The following ARHGAP26 variants were observed in gnomAD, a reference collection of about 807,000 sequenced individuals.
The protein encoded by ARHGAP26 is Rho GTPase activating protein 26.
Under a neutral mutation model 104.8 loss-of-function variants are expected in ARHGAP26, and 38 were observed. The ratio of observed to expected loss-of-function variants is 0.36; its 90% CI spans 0.28 to 0.48. The LOEUF (loss-of-function observed/expected upper bound fraction) is 0.48, where lower values mean the gene tolerates loss of function less well. Ranked by LOEUF, ARHGAP26 falls within the 20% of genes least tolerant of loss-of-function variation. The probability of loss-of-function intolerance (pLI) is 0.99; values close to 1 mark genes in which losing one functional copy is unlikely to be tolerated. For synonymous variants in ARHGAP26, 341 were observed against 340.0 expected (o/e 1.00, Z -0.03); for missense variants, 704 against 947.9 (o/e 0.74, Z 3.38).
chr5:142,938,912 A>G (rs1765843277), intron 11 of ARHGAP26, among the ~76,000 whole-genome samples: 2 of 152,202 alleles, frequency 1.3e-5, no homozygotes, highest in Admixed American at 6.5e-5. Context: ...GACAGCCACA[A>G]GTTTTGAAGG....
intron 6 of ARHGAP26, among the ~76,000 whole-genome samples, chr5:142,895,853 G>A (rs1335416588): frequency 6.6e-6 from 1 of 152,160 alleles, no homozygotes; most frequent in Non-Finnish European, 1.5e-5. Context: ...ATTACAATCG[G>A]CTTTGGAACC....
chr5:143,199,814 A>G (rs1360029392), intron 20 of ARHGAP26, among the ~76,000 whole-genome samples: 1 of 152,156 alleles, frequency 6.6e-6, no homozygotes, highest in African/African-American at 2.4e-5. Context: ...CTCTTAGTGC[A>G]AGACTCTCAG....
Position 142,790,579 on chromosome 5 carries a change from TC to T in ARHGAP26, c.154+19665del, listed in dbSNP as rs111676637. 4.5e-3 allele frequency among the ~76,000 whole-genome samples: 681 copies of T among 152,316 alleles called. 5 individuals carry two copies. Among genetic ancestry groups the T allele is most frequent in the African/African-American group, 0.016 (652 of 41,558 alleles). On this transcript the variant is annotated intron_variant, in intron 1 of 22. Transcript: ENST00000645722. ...CTTCCCATGCCATTCGTCATACAGT[TC>T]GGACACCTTACCATGGTTCATGCGG... is the stretch of plus-strand genomic sequence containing the variant.
intron 17 of ARHGAP26, among the ~76,000 whole-genome samples, chr5:143,092,598 A>T (rs1220926679): frequency 6.6e-6 from 1 of 152,048 alleles, no homozygotes; most frequent in Non-Finnish European, 1.5e-5. Flanking sequence ...TCCAAAGTGA[A>T]CTTCCTTCAC....
At chr5:143,014,446 A>G (rs895452644) in intron 12 of ARHGAP26, 3 of 303,684 alleles carry the variant, frequency 9.9e-6, no homozygotes, top group East Asian at 1.3e-4. Flanking sequence ...ACTTAATACA[A>G]CAATACTCAA....
At chr5:142,899,697 A>C (rs375203434) in intron 6 of ARHGAP26, among the ~76,000 whole-genome samples, 1 of 151,862 alleles carries the variant, frequency 6.6e-6, no homozygotes, top group Non-Finnish European at 1.5e-5. Flanking sequence ...TAATACTTCA[A>C]AGGTTCATAT....
intron 17 of ARHGAP26, among the ~76,000 whole-genome samples, chr5:143,119,189 G>C (rs1795844561): frequency 6.6e-6 from 1 of 152,284 alleles, no homozygotes; most frequent in East Asian, 1.9e-4. Flanking sequence ...ACTTTAGTCA[G>C]ATGTAGTGTG....
intron 1 of ARHGAP26, among the ~76,000 whole-genome samples, chr5:142,778,969 G>A (rs1462217135): frequency 6.6e-6 from 1 of 151,708 alleles, no homozygotes; most frequent in Non-Finnish European, 1.5e-5. Flanking sequence ...TAGTGTGTGT[G>A]TATGTGTGCC....
chr5:142,963,219 T>TGTGC (rs753184861), intron 11 of ARHGAP26, among the ~76,000 whole-genome samples: 4 of 127,974 alleles, frequency 3.1e-5, no homozygotes, highest in African/African-American at 1.1e-4. Context: ...TGTGTGTGTG[T>TGTGC]GCGCGTGTGT....
At chr5:142,904,525 G>GAAA (rs10667047) in intron 8 of ARHGAP26, among the ~76,000 whole-genome samples, 65,630 of 141,740 alleles carry the variant, frequency 0.46, 17,507 homozygotes, top group East Asian at 0.89. Context: ...TCTCTTAAAA[G>GAAA]AAAAAAAAAA....
Position 143,133,897 on chromosome 5 carries a change from T to C in ARHGAP26, c.1699-70T>C, listed in dbSNP as rs534005410. The C allele has an allele frequency of 1.9e-5, 28 of 1,458,210 alleles. No homozygotes were observed. The African/African-American group carries it at 3.1e-4, about 16-fold the overall frequency. 90.3% of individuals were successfully genotyped at this position (1,458,210 alleles called of 1,614,324 possible). A position where few individuals can be genotyped will look rare whatever the true frequency, so the allele number is the denominator to read the frequency against. On this transcript the variant is annotated intron_variant, in intron 18 of 22. Transcript: ENST00000645722. Reference sequence around the variant, plus strand: ...CAAGACACTGCCAAGCTTTCCGTTGTACTGCTTCAGGCCTGTTTTCTTCCC... The same window carrying C: ...CAAGACACTGCCAAGCTTTCCGTTGCACTGCTTCAGGCCTGTTTTCTTCCC...
Position 142,820,829 on chromosome 5 carries a change from G to A in ARHGAP26, c.154+49914G>A, listed in dbSNP as rs575284827. Among the ~76,000 whole-genome samples, 4 of 152,274 alleles carry A rather than the reference G, an allele frequency of 2.6e-5. No homozygotes were observed. In the South Asian group the frequency reaches 8.3e-4, roughly 32 times the overall value. ...CGTATGCATTTTCTTATTTTTCCCGGAACATTATGAAGTGGAGTCTATTCT... is the reference window on the plus strand; with the variant it reads ...CGTATGCATTTTCTTATTTTTCCCGAAACATTATGAAGTGGAGTCTATTCT... On this transcript the variant is annotated intron_variant, in intron 1 of 22. Transcript: ENST00000645722.
intron 17 of ARHGAP26, among the ~76,000 whole-genome samples, chr5:143,064,524 T>G (rs567981408): frequency 6.6e-6 from 1 of 152,210 alleles, no homozygotes; most frequent in African/African-American, 2.4e-5. Flanking sequence ...GTGCATTTTT[T>G]TTAAGACTAA....
chr5:143,140,417 A>T (rs928099884), intron 19 of ARHGAP26, among the ~76,000 whole-genome samples: 1 of 152,162 alleles, frequency 6.6e-6, no homozygotes, highest in Admixed American at 6.5e-5. Context: ...CCATTTTCTC[A>T]TCTGTAAAAT....
At position 143,116,690 on chromosome 5, in the gene ARHGAP26, A is replaced by G. The variant is rs193104973; in HGVS notation, c.1539-4298A>G. 1.3e-3 allele frequency among the ~76,000 whole-genome samples: 196 copies of G among 152,142 alleles called. 2 individuals carry two copies. The South Asian group carries it at 0.025, about 19-fold the overall frequency. ...CACCATCTTTATCTGGAAGTGATTT[A>G]CCTCCTTCTGCCTCTCAAAGGACAT... is the stretch of plus-strand genomic sequence containing the variant. On this transcript the variant is annotated intron_variant, in intron 17 of 22. Transcript: ENST00000645722.
chr5:143,064,072 A>G (rs947188030), intron 17 of ARHGAP26, among the ~76,000 whole-genome samples: 3 of 152,124 alleles, frequency 2.0e-5, no homozygotes, highest in African/African-American at 7.2e-5. Context: ...GAAACTTTGA[A>G]CAGGTTTCCA....
At chr5:142,776,309 A>T (rs1326466786) in intron 1 of ARHGAP26, among the ~76,000 whole-genome samples, 1 of 152,136 alleles carries the variant, frequency 6.6e-6, no homozygotes, top group East Asian at 1.9e-4. Flanking sequence ...AGTGGTTTGT[A>T]GTTACAGAGT....
chr5:142,845,031 G>A (rs981988068), intron 1 of ARHGAP26, among the ~76,000 whole-genome samples: 9 of 152,048 alleles, frequency 5.9e-5, no homozygotes, highest in African/African-American at 2.2e-4. Context: ...TCCTCCGTTC[G>A]CTAGTGAGCA....
In ARHGAP26 at chr5:142,894,430, A is replaced by C. The variant is rs1759174769; in HGVS notation, c.597+82A>C. 18 of 1,320,404 alleles carry C rather than the reference A, an allele frequency of 1.4e-5. No homozygotes were observed. In the East Asian group the frequency reaches 4.3e-4, roughly 32 times the overall value. 81.8% of individuals were successfully genotyped at this position (1,320,404 alleles called of 1,614,324 possible). A position where few individuals can be genotyped will look rare whatever the true frequency, so the allele number is the denominator to read the frequency against. On this transcript the variant is annotated intron_variant, in intron 6 of 22. Transcript: ENST00000645722. ...TAGTAGTAGATTACAAAATGCTCTAAGTTGTTGATGAAGAGGTTGAGCAGC... is the reference window on the plus strand; with the variant it reads ...TAGTAGTAGATTACAAAATGCTCTACGTTGTTGATGAAGAGGTTGAGCAGC...
Sources: allele counts gnomAD v4.1 joint callset (sites outside exome capture counted in the v4.1 genomes callset), GRCh38; gene constraint gnomAD v4.1.1; transcripts MANE v1.5; gene names NCBI Gene and HGNC (gene_info 2026-07-23, HGNC 2026-07-21).